Variants in IGFBP5 observed in about 807,000 individuals in gnomAD.
The protein encoded by IGFBP5 is insulin-like growth factor-binding protein 5.
Under a neutral mutation model 28.0 loss-of-function variants are expected in IGFBP5, and 12 were observed. The observed-to-expected ratio is 0.43, with a 90% CI of 0.27 to 0.69. The LOEUF is 0.69. Among genes scored for constraint, IGFBP5 ranks in the 30% least tolerant of loss-of-function variants. The pLI, the probability that IGFBP5 is intolerant of heterozygous loss-of-function variation, is 0.20. For missense variants in IGFBP5, 344 were observed against 381.6 expected, an observed-to-expected ratio of 0.90 and a Z score of 0.82; for synonymous variants, 152 against 150.2, an observed-to-expected ratio of 1.01 and a Z score of -0.09.
rs1271968464 is a variant in IGFBP5 at position 216,692,218 on chromosome 2, G to A, written c.337+2221C>T. Reference sequence around the variant, plus strand: ...AGCAGCCGGCCGGGCACCTGCCTTCGGCGGGGTGGAGTCGGAGAGGAGTGC... The same window carrying A: ...AGCAGCCGGCCGGGCACCTGCCTTCAGCGGGGTGGAGTCGGAGAGGAGTGC... On this transcript the variant is annotated intron_variant, in intron 1 of 3. Transcript: ENST00000233813. This position sits in a 1 kb window ranked among gnomAD's most constrained non-coding sequence, Gnocchi z 4.2. Among the ~76,000 whole-genome samples the A allele has an allele frequency of 1.3e-5, 2 of 152,184 alleles. No homozygotes were observed. Among genetic ancestry groups the A allele is most frequent in the African/African-American group, 2.4e-5 (1 of 41,440 alleles).
chr2:216,682,250 C>A lies in IGFBP5; in HGVS notation c.338-3171G>T, dbSNP rs569498618. Among the ~76,000 whole-genome samples the A allele has an allele frequency of 2.6e-5, 4 of 152,246 alleles. No homozygotes were observed. In the East Asian group the frequency reaches 7.7e-4, roughly 29 times the overall value. On this transcript the variant is annotated intron_variant, in intron 1 of 3. Transcript: ENST00000233813. Reference sequence around the variant, plus strand: ...GCAGCAGAGTCCAGTGTCGAAGATACTAATCAGGGTCTTGTGGTCACCTGT... The same window carrying A: ...GCAGCAGAGTCCAGTGTCGAAGATAATAATCAGGGTCTTGTGGTCACCTGT...
chr2:216,676,208 C>A lies in IGFBP5; in HGVS notation c.*543G>T, dbSNP rs150305201. The A allele has an allele frequency of 3.7e-4, 56 of 153,292 alleles. No homozygotes were observed. The South Asian group carries it at 7.7e-3, about 21-fold the overall frequency. 9.5% of individuals were successfully genotyped at this position (153,292 alleles called of 1,614,324 possible). A position where few individuals can be genotyped will look rare whatever the true frequency, so the allele number is the denominator to read the frequency against. On this transcript the variant is annotated 3_prime_UTR_variant, in exon 4 of 4. Coordinates refer to ENST00000233813, the MANE Select transcript of IGFBP5 (RefSeq NM_000599.4). ...AGGAGGAGACAGATCCGGGAGAGGT[C>A]CTGGAGTGTTTTGCCTTTTCCTTTC... is the stretch of plus-strand genomic sequence containing the variant.
chr2:216,680,889 T>A (rs1688970741), intron 1 of IGFBP5, among the ~76,000 whole-genome samples: 1 of 152,142 alleles, frequency 6.6e-6, no homozygotes. Context: ...GATGTCCCAG[T>A]ACCTCGATTC....
chr2:216,676,990 G>T, intron 3 of IGFBP5, 108 bp from the exon 4 acceptor site: 1 of 1,279,798 alleles, frequency 7.8e-7, no homozygotes, highest in East Asian at 2.5e-5. Context: ...TCCCCAGAGA[G>T]TTGAGGGCAC....
rs991115873 is a variant in IGFBP5 at position 216,675,670 on chromosome 2, G to A, written c.*1081C>T. ...TTCTCAGTTTTCCCAGAATGAGGAA[G>A]CTCCTCAATGCCCCTATAGGAACTA... On this transcript the variant is annotated 3_prime_UTR_variant, in exon 4 of 4. Transcript: ENST00000233813. 1 of 152,138 alleles carries A rather than the reference G, an allele frequency of 6.6e-6. No homozygotes were observed. Among genetic ancestry groups the A allele is most frequent in the African/African-American group, 2.4e-5 (1 of 41,442 alleles). 9.4% of individuals were successfully genotyped at this position (152,138 alleles called of 1,614,324 possible). A position where few individuals can be genotyped will look rare whatever the true frequency, so the allele number is the denominator to read the frequency against.
chr2:216,691,520 C>T (rs184725091), intron 1 of IGFBP5, among the ~76,000 whole-genome samples: 3 of 152,318 alleles, frequency 2.0e-5, no homozygotes, highest in Admixed American at 2.0e-4. Flanking sequence ...GCCTCACACA[C>T]ATTCTTTTTT....
rs905645328 is a variant in IGFBP5 at position 216,679,700 on chromosome 2, G to A, written c.338-621C>T. On this transcript the variant is annotated intron_variant, in intron 1 of 3. Coordinates refer to ENST00000233813, the MANE Select transcript of IGFBP5 (RefSeq NM_000599.4). This position sits in a 1 kb window ranked among gnomAD's most constrained non-coding sequence, Gnocchi z 4.6. Reference sequence around the variant, plus strand: ...CAGGGTGGTGAGGACCTTCATAAGCGGCAGGAGGAGGGGAGGGGAGAGCCA... The same window carrying A: ...CAGGGTGGTGAGGACCTTCATAAGCAGCAGGAGGAGGGGAGGGGAGAGCCA... 4.6e-5 allele frequency among the ~76,000 whole-genome samples: 7 copies of A among 152,202 alleles called. No individual in the cohort carries two copies. Among genetic ancestry groups the A allele is most frequent in the East Asian group, 3.9e-4 (2 of 5,160 alleles).
intron 1 of IGFBP5, among the ~76,000 whole-genome samples, chr2:216,690,297 CA>C (rs1322973055): frequency 6.6e-6 from 1 of 152,182 alleles, no homozygotes; most frequent in Admixed American, 6.5e-5. Flanking sequence ...GCCATTCTCC[CA>C]CCCTCTTCCC....
intron 1 of IGFBP5, among the ~76,000 whole-genome samples, chr2:216,680,701 G>T (rs1688968819): frequency 6.6e-6 from 1 of 152,330 alleles, no homozygotes; most frequent in East Asian, 1.9e-4. Flanking sequence ...GTTCCTGGTG[G>T]TGAGTTGCTT....
intron 1 of IGFBP5, among the ~76,000 whole-genome samples, chr2:216,681,512 G>C (rs1408759550): frequency 1.3e-5 from 2 of 152,196 alleles, no homozygotes; most frequent in Non-Finnish European, 2.9e-5. Context: ...AGGGGAGACA[G>C]CCTGGGAAGC....
chr2:216,678,091 A>G, intron 3 of IGFBP5, 21 bp downstream of exon 3: 1 of 1,433,626 alleles, frequency 7.0e-7, no homozygotes. Flanking sequence ...CTGAGCCTGG[A>G]GCTCAGGGCA....
chr2:216,678,256 C>T lies in IGFBP5; in HGVS notation c.568-25G>A, dbSNP rs779199572. 1.7e-5 allele frequency: 26 copies of T among 1,499,536 alleles called. No individual in the cohort carries two copies. In the East Asian group the frequency reaches 3.1e-4, roughly 18 times the overall value. The allele number at this position is 1,499,536 out of a possible 1,614,324, so 92.9% of individuals were successfully genotyped here. ...CCTGTGTGGACAGGAGGGTGAGAGG[C>T]GTGGCGAGACCAAGGGAAAACCACC... On this transcript the variant is annotated intron_variant, in intron 2 of 3. Transcript: ENST00000233813.
chr2:216,680,286 A>G (rs1332595002), intron 1 of IGFBP5, among the ~76,000 whole-genome samples: 1 of 152,196 alleles, frequency 6.6e-6, no homozygotes, highest in Non-Finnish European at 1.5e-5. Context: ...AAATGAGGTG[A>G]AAGAAAATTC....
chr2:216,682,884 A>G (rs1688992850), intron 1 of IGFBP5, among the ~76,000 whole-genome samples: 1 of 151,508 alleles, frequency 6.6e-6, no homozygotes, highest in African/African-American at 2.4e-5. Flanking sequence ...AATTTTTTGT[A>G]TTTTTAGTAG....
rs529952121 is a variant in IGFBP5 at position 216,675,067 on chromosome 2, A to G, written c.*1684T>C. 2.7e-4 allele frequency: 41 copies of G among 152,206 alleles called. No homozygotes were observed. The highest frequency in any genetic ancestry group is 9.6e-4 in the African/African-American group (40 of 41,532). The allele number at this position is 152,206 out of a possible 1,614,324, so 9.4% of individuals were successfully genotyped here. A position where few individuals can be genotyped will look rare whatever the true frequency, so the allele number is the denominator to read the frequency against. On this transcript the variant is annotated 3_prime_UTR_variant, in exon 4 of 4. Transcript: ENST00000233813. ...TCCTCTCAAATCCTAGAAAATACAT[A>G]TGGTGGGGAAGCTAAGGAAATTTCT...
intron 1 of IGFBP5, among the ~76,000 whole-genome samples, chr2:216,685,691 A>G (rs1689026532): frequency 6.6e-6 from 1 of 152,138 alleles, no homozygotes; most frequent in African/African-American, 2.4e-5. Flanking sequence ...CCAGCTGTGG[A>G]TGTCAAATGG....
At chr2:216,686,670 T>C (rs1689038003) in intron 1 of IGFBP5, among the ~76,000 whole-genome samples, 1 of 145,508 alleles carries the variant, frequency 6.9e-6, no homozygotes, top group African/African-American at 2.5e-5. Context: ...ACCTTTCTTT[T>C]TTTTTTTTTT....
chr2:216,680,441 T>C (rs1688959747), intron 1 of IGFBP5, among the ~76,000 whole-genome samples: 1 of 152,098 alleles, frequency 6.6e-6, no homozygotes, highest in South Asian at 2.1e-4. Flanking sequence ...GAAGACGCTG[T>C]TTTATGCCTC....
chr2:216,694,582 T>A lies in IGFBP5; in HGVS notation c.194A>T (p.Gln65Leu), dbSNP rs761229300. 6.4e-7 allele frequency: 1 copy of A among 1,553,358 alleles called. No individual in the cohort carries two copies. Among genetic ancestry groups the A allele is most frequent in the Admixed American group, 1.9e-5 (1 of 51,488 alleles). ...CCMTCALAEGQSCGVYTERCA... is the reference protein window; with the variant it reads ...CCMTCALAEGLSCGVYTERCA... The stretch of plus-strand genomic sequence containing the variant: ...GCGCTCGGTGTAGACGCCGCACGAC[T>A]GCCCCTCGGCCAGGGCGCAGGTCAT... Residue 65 changes from glutamine to leucine, a missense_variant, in exon 1 of 4, where the codon CAG (glutamine) becomes CTG (leucine). By Grantham distance (113) the Gln-to-Leu change is moderately radical (BLOSUM62 -2). Coordinates refer to ENST00000233813, the MANE Select transcript of IGFBP5 (RefSeq NM_000599.4). The surrounding 1 kb of genome is among the most constrained non-coding windows in gnomAD (Gnocchi z 5.2).
Sources: gnomAD v4.1 joint callset for allele counts (sites outside exome capture counted in the v4.1 genomes callset) on GRCh38, gnomAD v4.1.1 for gene constraint, Gnocchi (gnomAD v3.1) non-coding constraint, MANE v1.5 for transcripts, NCBI Gene and HGNC (gene_info 2026-07-23, HGNC 2026-07-21) for gene names.